The following GRK5 variants were observed in gnomAD, a reference collection of about 807,000 sequenced individuals.
GRK5 encodes the protein g protein-coupled receptor kinase GRK5.
A neutral mutation model predicts 78.4 loss-of-function variants in GRK5; 40 were observed. That is an observed-to-expected ratio of 0.51 (90% confidence interval 0.40 to 0.66). The LOEUF is 0.66. Ranked by LOEUF, GRK5 falls within the 30% of genes least tolerant of loss-of-function variation. The pLI, the probability that GRK5 is intolerant of heterozygous loss-of-function variation, is 0.00. For missense variants in GRK5, 598 were observed against 759.9 expected, an observed-to-expected ratio of 0.79 and a Z score of 2.50; for synonymous variants, 289 against 296.8, an observed-to-expected ratio of 0.97 and a Z score of 0.27.
chr10:119,261,492 G>A (rs1380122229), intron 1 of GRK5, among the ~76,000 whole-genome samples: 3 of 151,478 alleles, frequency 2.0e-5, no homozygotes, highest in African/African-American at 4.8e-5. Context: ...CTTCCCAGAC[G>A]GGGTGGCGGC....
chr10:119,426,685 T>C (rs1852682994), intron 6 of GRK5, among the ~76,000 whole-genome samples: 1 of 152,110 alleles, frequency 6.6e-6, no homozygotes, highest in Non-Finnish European at 1.5e-5. Flanking sequence ...ATCATCACCA[T>C]CACCACCATC....
rs761833081 is a variant in GRK5, at chr10:119,207,941, C to A, written c.24C>A (p.Ala8=). 1 of 1,604,582 alleles carries A rather than the reference C, an allele frequency of 6.2e-7. No homozygotes were observed. Among genetic ancestry groups the A allele is most frequent in the Non-Finnish European group, 8.5e-7 (1 of 1,176,442 alleles). MELENIV[A]NTVLLKAREG... ...CAATGGAGCTGGAAAACATCGTGGC[C>A]AACACGGTCTTGCTGAAAGCCAGGG... Residue 8 remains alanine (A), a synonymous_variant, in exon 1 of 16, where the codon GCC becomes GCA. Transcript: ENST00000392870.
chr10:119,250,169 G>A (rs1351274204), intron 1 of GRK5, among the ~76,000 whole-genome samples: 1 of 152,182 alleles, frequency 6.6e-6, no homozygotes, highest in African/African-American at 2.4e-5. Flanking sequence ...TGTTTGTTGA[G>A]TGAGAGTCTC....
rs1259645675 is a variant in GRK5, at chr10:119,308,633, G to A, written c.53-17883G>A. Among the ~76,000 whole-genome samples, 9 of 152,358 alleles carry A rather than the reference G, an allele frequency of 5.9e-5. No individual in the cohort carries two copies. In the East Asian group the frequency reaches 1.7e-3, roughly 29 times the overall value. On this transcript the variant is annotated intron_variant, in intron 1 of 15. Transcript: ENST00000392870. The stretch of plus-strand genomic sequence containing the variant: ...GTTGGGCCGGTCAGCCCGCGTCTTC[G>A]TAGCTTCAATGGCTTCTCCTGTGCC...
intron 3 of GRK5, among the ~76,000 whole-genome samples, chr10:119,386,536 T>C (rs1851797142): frequency 6.6e-6 from 1 of 152,132 alleles, no homozygotes; most frequent in Non-Finnish European, 1.5e-5. Flanking sequence ...CCAAGAGCTG[T>C]TTTTTGGAAA....
At chr10:119,259,850 C>G (rs1849344003) in intron 1 of GRK5, among the ~76,000 whole-genome samples, 2 of 152,128 alleles carry the variant, frequency 1.3e-5, no homozygotes, top group South Asian at 4.1e-4. Flanking sequence ...CCATAGTGGA[C>G]AGCATAGCTC....
In GRK5 at chr10:119,238,967, C is replaced by T. The variant is rs547518271; in HGVS notation, c.52+30998C>T. Among the ~76,000 whole-genome samples the T allele has an allele frequency of 3.9e-5, 6 of 152,172 alleles. No individual in the cohort carries two copies. The highest frequency in any genetic ancestry group is 2.1e-4 in the South Asian group (1 of 4,818). ...TGTTGAAGCCAAGGCATTAGAGAAA[C>T]GTGATTTTTCATTTAATTATATATA... On this transcript the variant is annotated intron_variant, in intron 1 of 15. Transcript: ENST00000392870. The surrounding 1 kb of genome is among the most constrained non-coding windows in gnomAD (Gnocchi z 4.7).
Position 119,424,992 on chromosome 10 carries a change from G to A in GRK5, c.441-1G>A. On this transcript the variant is annotated splice_acceptor_variant, in intron 5 of 15. Coordinates refer to ENST00000392870, the MANE Select transcript of GRK5 (RefSeq NM_005308.3). LOFTEE classifies it high-confidence loss of function. ...TCATCCTCTTGTTCCATCTGCACTA[G>A]GTCTGTCCACGAGTACCTGAGGGGA... The A allele has an allele frequency of 6.2e-7, 1 of 1,602,470 alleles. No homozygotes were observed. Among genetic ancestry groups the A allele is most frequent in the Non-Finnish European group, 8.6e-7 (1 of 1,169,500 alleles).
In GRK5 at chr10:119,457,534, C is replaced by T. The variant is rs1254556759; in HGVS notation, c.*2467C>T. 6.6e-6 allele frequency: 1 copy of T among 152,120 alleles called. No individual in the cohort carries two copies. Among genetic ancestry groups the T allele is most frequent in the Non-Finnish European group, 1.5e-5 (1 of 68,042 alleles). 9.4% of individuals were successfully genotyped at this position (152,120 alleles called of 1,614,324 possible). A position where few individuals can be genotyped will look rare whatever the true frequency, so the allele number is the denominator to read the frequency against. ...AGAGTCACTTGGCCTACTAAAGCCTCCTGTTCCTTCTGGCTCATGCATTGC... is the reference window on the plus strand; with the variant it reads ...AGAGTCACTTGGCCTACTAAAGCCTTCTGTTCCTTCTGGCTCATGCATTGC... On this transcript the variant is annotated 3_prime_UTR_variant, in exon 16 of 16. Coordinates refer to ENST00000392870, the MANE Select transcript of GRK5 (RefSeq NM_005308.3).
chr10:119,214,707 A>G (rs1354274330), intron 1 of GRK5, among the ~76,000 whole-genome samples: 1 of 151,802 alleles, frequency 6.6e-6, no homozygotes, highest in Non-Finnish European at 1.5e-5. Flanking sequence ...TTTTGTAGAG[A>G]TGGGGTTTCG....
In GRK5 at chr10:119,410,893, C is replaced by T. The variant is rs1030004671; in HGVS notation, c.340-12273C>T. Among the ~76,000 whole-genome samples, 10 of 149,540 alleles carry T rather than the reference C, an allele frequency of 6.7e-5. 1 individual carries two copies. Among genetic ancestry groups the T allele is most frequent in the African/African-American group, 2.2e-4 (9 of 40,646 alleles). ...TGTCTAAAGAGGCCACCTCTGTGAGCGCTCTCTCCTAGGTGCTGAGGGGCT... is the reference window on the plus strand; with the variant it reads ...TGTCTAAAGAGGCCACCTCTGTGAGTGCTCTCTCCTAGGTGCTGAGGGGCT... On this transcript the variant is annotated intron_variant, in intron 4 of 15. Coordinates refer to ENST00000392870, the MANE Select transcript of GRK5 (RefSeq NM_005308.3).
intron 1 of GRK5, among the ~76,000 whole-genome samples, chr10:119,306,998 G>C (rs1446079178): frequency 6.6e-6 from 1 of 152,112 alleles, no homozygotes; most frequent in Non-Finnish European, 1.5e-5. Flanking sequence ...TGAGGAGCAG[G>C]CGTGGGTGAT....
intron 2 of GRK5, among the ~76,000 whole-genome samples, chr10:119,351,845 T>C (rs1851189826): frequency 6.6e-6 from 1 of 152,202 alleles, no homozygotes; most frequent in Non-Finnish European, 1.5e-5. Flanking sequence ...CTCATAAAGT[T>C]CAAAGAAGTG....
intron 1 of GRK5, among the ~76,000 whole-genome samples, chr10:119,219,650 C>T (rs1848631022): frequency 6.6e-6 from 1 of 152,112 alleles, no homozygotes; most frequent in African/African-American, 2.4e-5. Flanking sequence ...GGTTATAGGG[C>T]AAATTGGAAA....
intron 1 of GRK5, among the ~76,000 whole-genome samples, chr10:119,259,065 CTTTT>C (rs397950981): frequency 7.7e-6 from 1 of 130,190 alleles, no homozygotes. Context: ...CTTTCTTTTT[CTTTT>C]TTTTTTTTTT....
At position 119,436,755 on chromosome 10, in the gene GRK5, T is replaced by C. The variant is rs1344333844; in HGVS notation, c.843T>C (p.Pro281=). Residue 281 remains proline (P), a synonymous_variant, in exon 9 of 16, where the codon CCT becomes CCC. Transcript: ENST00000392870. The part of the protein sequence containing the change: ...LKFHIYNMGN[P]GFEEERALFY... ...TCCACATCTACAACATGGGCAACCC[T>C]GGCTTCGAGGAGGAGCGGGCCTTGT... is the stretch of plus-strand genomic sequence containing the variant. 6.2e-7 allele frequency: 1 copy of C among 1,614,064 alleles called. No homozygotes were observed. The highest frequency in any genetic ancestry group is 1.7e-5 in the Admixed American group (1 of 59,992).
chr10:119,329,257 A>G (rs1251892842), intron 2 of GRK5, among the ~76,000 whole-genome samples: 2 of 152,224 alleles, frequency 1.3e-5, no homozygotes, highest in African/African-American at 4.8e-5. Context: ...AATATGAAAT[A>G]TAGGATTTAT....
At chr10:119,237,466 T>A (rs548855342) in intron 1 of GRK5, among the ~76,000 whole-genome samples, 10 of 152,296 alleles carry the variant, frequency 6.6e-5, no homozygotes, top group African/African-American at 2.4e-4. Flanking sequence ...ATAATTTCAA[T>A]AGGCACTGAT....
intron 2 of GRK5, among the ~76,000 whole-genome samples, chr10:119,363,956 G>A (rs943217811): frequency 6.6e-6 from 1 of 152,166 alleles, no homozygotes; most frequent in Non-Finnish European, 1.5e-5. Context: ...GCGTCCAGGA[G>A]GACTATGCAT....
Sources: gnomAD v4.1 joint callset for allele counts (sites outside exome capture counted in the v4.1 genomes callset) on GRCh38, gnomAD v4.1.1 for gene constraint, Gnocchi (gnomAD v3.1) non-coding constraint, MANE v1.5 for transcripts, NCBI Gene and HGNC (gene_info 2026-07-23, HGNC 2026-07-21) for gene names.